Variants in DDX19A observed in about 807,000 individuals in gnomAD.
DDX19A encodes DEAD-box helicase 19A.
DDX19A carries 12 observed loss-of-function variants against 60.6 expected under a neutral mutation model. That is an observed-to-expected ratio of 0.20 (90% CI 0.13 to 0.32). The LOEUF is 0.32. Among genes scored for constraint, DDX19A ranks in the 10% least tolerant of loss-of-function variants. The pLI, the probability that DDX19A is intolerant of heterozygous loss-of-function variation, is 1.00. For synonymous variants in DDX19A, 206 were observed against 218.2 expected, an observed-to-expected ratio of 0.94 and a Z score of 0.49; for missense variants, 337 against 600.6, an observed-to-expected ratio of 0.56 and a Z score of 4.59.
chr16:70,356,120 G>A lies in DDX19A; in HGVS notation c.166G>A (p.Ala56Thr). ...TGGTTTCTTCCTGACAGAGGACAGA[G>A]CTGCCCAGTCCTTACTCAACAAGCT... ...KTDEEEKEDR[A>T]AQSLLNKLIR... is the part of the protein sequence containing the mutation. Residue 56 changes from alanine (A) to threonine (T), a missense_variant, in exon 4 of 12, where the codon GCT becomes ACT. Ala to Thr is a moderately conservative substitution (Grantham distance 58, BLOSUM62 0). This residue lies in a region of DDX19A where 127 missense variants were observed against 160.3 expected (regional missense o/e 0.79). Coordinates refer to ENST00000302243, the MANE Select transcript of DDX19A (RefSeq NM_018332.5). 1 of 1,613,786 alleles carries A rather than the reference G, an allele frequency of 6.2e-7. No individual in the cohort carries two copies. The highest frequency in any genetic ancestry group is 8.5e-7 in the Non-Finnish European group (1 of 1,180,008).
At position 70,364,684 on chromosome 16, in the gene DDX19A, C is replaced by T. The variant is rs751164625; in HGVS notation, c.489+39C>T. 2.0e-6 allele frequency: 3 copies of T among 1,487,732 alleles called. No homozygotes were observed. In the Admixed American group the frequency reaches 5.0e-5, roughly 25 times the overall value. The allele number at this position is 1,487,732 out of a possible 1,614,324, so 92.2% of individuals were successfully genotyped here. The stretch of plus-strand genomic sequence containing the variant: ...GGGCTGGGTGTCCTAGGTTGCCTGC[C>T]CTGGGGAGCGCAGTGCCATCTGGTG... On this transcript the variant is annotated intron_variant, in intron 6 of 11. Transcript: ENST00000302243.
chr16:70,368,015 CACTT>C (rs2151644121), intron 9 of DDX19A, among the ~76,000 whole-genome samples: 1 of 152,088 alleles, frequency 6.6e-6, no homozygotes, highest in Admixed American at 6.6e-5. Context: ...ATTTCTAAAA[CACTT>C]AAAAAAAATT....
chr16:70,356,899 C>T (rs1414452618), intron 4 of DDX19A: 4 of 1,262,296 alleles, frequency 3.2e-6, no homozygotes, highest in Admixed American at 2.5e-5. Flanking sequence ...AGGAACATTT[C>T]TGATTAGGTA....
chr16:70,366,893 C>T (rs767772437), intron 9 of DDX19A, 32 bp downstream of exon 9: 4 of 1,613,124 alleles, frequency 2.5e-6, no homozygotes, highest in East Asian at 2.2e-5. Context: ...AGGCCTGGCC[C>T]CTCCCTCTCA....
Position 70,372,034 on chromosome 16 carries a change from G to A in DDX19A, c.*48G>A. On this transcript the variant is annotated 3_prime_UTR_variant, in exon 12 of 12. Coordinates refer to ENST00000302243, the MANE Select transcript of DDX19A (RefSeq NM_018332.5). ...CCAGCCCTGGCACTGCCCCTGCACA[G>A]GAGACAAGTGCATTTAGGGCACAGG... 3 of 1,613,720 alleles carry A rather than the reference G, an allele frequency of 1.9e-6. No homozygotes were observed. The highest frequency in any genetic ancestry group is 2.5e-6 in the Non-Finnish European group (3 of 1,179,604).
chr16:70,363,107 C>T (rs756649716), intron 5 of DDX19A, among the ~76,000 whole-genome samples: 2 of 151,850 alleles, frequency 1.3e-5, no homozygotes, highest in Non-Finnish European at 2.9e-5. Context: ...CAGCCTCAGC[C>T]TCCCAAAGTG....
At chr16:70,357,376 T>TG (rs1964242520) in intron 4 of DDX19A, among the ~76,000 whole-genome samples, 4 of 46,512 alleles carry the variant, frequency 8.6e-5, no homozygotes, top group Admixed American at 5.2e-4. Context: ...GTTTTTTTTT[T>TG]TTTTTTTTTT....
intron 9 of DDX19A, among the ~76,000 whole-genome samples, chr16:70,369,407 T>C (rs1363688948): frequency 2.7e-5 from 4 of 148,266 alleles, no homozygotes; most frequent in African/African-American, 1.0e-4. Context: ...GTTGAACTCC[T>C]GACCTCGCGA....
chr16:70,350,711 T>C, intron 2 of DDX19A, 106 bp downstream of exon 2: 2 of 818,174 alleles, frequency 2.4e-6, no homozygotes, highest in Non-Finnish European at 3.9e-6. Flanking sequence ...AAACTTCAGC[T>C]GTTTACAAGC....
Position 70,370,274 on chromosome 16 carries a change from C to G in DDX19A, c.1072C>G (p.Gln358Glu), listed in dbSNP as rs1270647371. The change falls in exon 10 of 12, where the codon CAG becomes GAG. Residue 358 changes from glutamine (Q) to glutamate (E), a missense_variant. Physicochemically the swap from Gln to Glu is conservative, Grantham distance 29. Around this residue, in one of 6 missense-constraint regions of DDX19A, gnomAD observed 117 missense variants for 274.3 expected, o/e 0.43. Coordinates refer to ENST00000302243, the MANE Select transcript of DDX19A (RefSeq NM_018332.5). ...AGCAGAGCTCTCAAAAGAAGGCCACCAGGTGGCTCTGCTGAGTGGGGAGAT... is the reference window on the plus strand; with the variant it reads ...AGCAGAGCTCTCAAAAGAAGGCCACGAGGTGGCTCTGCTGAGTGGGGAGAT... ...LAAELSKEGHQVALLSGEMMV... is the reference protein window; with the variant it reads ...LAAELSKEGHEVALLSGEMMV... 3.1e-6 allele frequency: 5 copies of G among 1,613,958 alleles called. No homozygotes were observed. The highest frequency in any genetic ancestry group is 4.2e-6 in the Non-Finnish European group (5 of 1,180,010).
intron 4 of DDX19A, among the ~76,000 whole-genome samples, chr16:70,359,740 C>T (rs1251733259): frequency 6.6e-6 from 1 of 151,724 alleles, no homozygotes; most frequent in African/African-American, 2.4e-5. Flanking sequence ...TGCCTGCAGC[C>T]CCAGCTACTC....
intron 4 of DDX19A, among the ~76,000 whole-genome samples, chr16:70,358,919 C>T (rs1964295179): frequency 1.3e-5 from 2 of 152,136 alleles, no homozygotes; most frequent in Admixed American, 1.3e-4. Flanking sequence ...CTGTCATCTC[C>T]ACTTTTATTT....
rs1033373272 is a variant in DDX19A, at chr16:70,372,637, A to G, written c.*651A>G. ...CTTCAGATTTGGAGAGAAACACGAA[A>G]GTCTGAATCCTGACCCCTTGAGAGA... On this transcript the variant is annotated 3_prime_UTR_variant, in exon 12 of 12. Transcript: ENST00000302243. 1.3e-5 allele frequency: 2 copies of G among 153,644 alleles called. No homozygotes were observed. Among genetic ancestry groups the G allele is most frequent in the African/African-American group, 4.8e-5 (2 of 41,452 alleles). 9.5% of individuals were successfully genotyped at this position (153,644 alleles called of 1,614,324 possible).
rs772742830 is a variant in DDX19A, at chr16:70,366,015, G to A, written c.605-70G>A. The A allele has an allele frequency of 4.3e-6, 7 of 1,609,434 alleles. No individual in the cohort carries two copies. The East Asian group carries it at 8.9e-5, about 20-fold the overall frequency. ...TTGTTCTCCTAGTCCTAGAAGGATG[G>A]GCAGGGCTTTGATTTCCAGAGCTGG... On this transcript the variant is annotated intron_variant, in intron 7 of 11. Transcript: ENST00000302243.
chr16:70,347,902 C>T (rs1018104712), intron 1 of DDX19A: 3 of 370,690 alleles, frequency 8.1e-6, no homozygotes, highest in African/African-American at 6.6e-5. Flanking sequence ...GTTGGTCAGG[C>T]TGGTCTCGAA....
chr16:70,362,474 C>G (rs1964395125), intron 5 of DDX19A, among the ~76,000 whole-genome samples: 1 of 151,896 alleles, frequency 6.6e-6, no homozygotes, highest in Non-Finnish European at 1.5e-5. Context: ...AAGAACAATA[C>G]CAAGAACACC....
intron 7 of DDX19A, chr16:70,365,853 T>C (rs1012097312): frequency 7.5e-5 from 45 of 602,506 alleles, no homozygotes; most frequent in Middle Eastern, 4.4e-4. Context: ...AGGGAACTGA[T>C]GCTTATTGAA....
intron 5 of DDX19A, among the ~76,000 whole-genome samples, chr16:70,362,354 A>AAAAT (rs1279211720): frequency 6.6e-6 from 1 of 151,782 alleles, no homozygotes; most frequent in Non-Finnish European, 1.5e-5. Context: ...AAAAAAAAAA[A>AAAAT]AAAAAAAACT....
Position 70,366,218 on chromosome 16 carries a change from G to A in DDX19A, c.738G>A (p.Met246Ile). 1 of 1,614,064 alleles carries A rather than the reference G, an allele frequency of 6.2e-7. No homozygotes were observed. The highest frequency in any genetic ancestry group is 2.2e-5 in the East Asian group (1 of 44,880). ...KVFVLDEADV[M>I]IATQGHQDQS... ...TTGTTCTGGATGAGGCTGATGTCAT[G>A]ATAGCCACTCAGGGCCACCAAGATC... The change falls in exon 8 of 12, where the codon ATG (methionine) becomes ATA (isoleucine). Residue 246 changes from methionine to isoleucine, a missense_variant. By Grantham distance (10) the Met-to-Ile change is conservative. Around this residue, in one of 6 missense-constraint regions of DDX19A, gnomAD observed 117 missense variants for 274.3 expected, o/e 0.43. Coordinates refer to ENST00000302243, the MANE Select transcript of DDX19A (RefSeq NM_018332.5).
Sources: allele counts gnomAD v4.1 joint callset (sites outside exome capture counted in the v4.1 genomes callset), GRCh38; gene constraint gnomAD v4.1.1; regional missense constraint gnomAD v4.1.1; transcripts MANE v1.5; gene names NCBI Gene and HGNC (gene_info 2026-07-23, HGNC 2026-07-21).